Variants in SORCS3 observed in about 807,000 individuals in gnomAD.
The protein encoded by SORCS3 is VPS10 domain-containing receptor SorCS3.
In SORCS3, 57 loss-of-function variants were observed where a neutral mutation model predicts 146.3. The observed-to-expected ratio is 0.39, with a 90% CI of 0.31 to 0.49. SORCS3 has a LOEUF of 0.49. Among genes scored for constraint, SORCS3 ranks in the 20% least tolerant of loss-of-function variants. The pLI is 0.92. For missense variants in SORCS3, 1,341 were observed against 1,575.5 expected, an observed-to-expected ratio of 0.85 and a Z score of 2.52; for synonymous variants, 653 against 618.5, an observed-to-expected ratio of 1.06 and a Z score of -0.83.
chr10:105,098,551 G>GGGTTC (rs2055762108), intron 6 of SORCS3, among the ~76,000 whole-genome samples: 1 of 152,130 alleles, frequency 6.6e-6, no homozygotes, highest in Non-Finnish European at 1.5e-5. Flanking sequence ...AAAATCACCT[G>GGGTTC]GGTTCAAATT....
chr10:105,223,158 TA>T lies in SORCS3; in HGVS notation c.2779del (p.Arg927GlufsTer110). 6.2e-7 allele frequency: 1 copy of T among 1,612,480 alleles called. No individual in the cohort carries two copies. The highest frequency in any genetic ancestry group is 8.5e-7 in the Non-Finnish European group (1 of 1,178,792). ...CATCTCCGAGTTCCATTTGTTGCCA[TA>T]AGAAATAAGGAGGTCAACATCAGTG... Reference protein sequence around the residue: ...HVHLRVPFVAIRNKEVNISAV... With the variant: ...HVHLRVPFVAXRNKEVNISAV... On this transcript the variant is annotated frameshift_variant, in exon 20 of 27. Coordinates refer to ENST00000369701, the MANE Select transcript of SORCS3 (RefSeq NM_014978.3). LOFTEE classifies it high-confidence loss of function.
At chr10:105,081,680 G>T (rs567035082) in intron 5 of SORCS3, among the ~76,000 whole-genome samples, 1 of 152,282 alleles carries the variant, frequency 6.6e-6, no homozygotes, top group South Asian at 2.1e-4. Flanking sequence ...GTGAGTCTGT[G>T]GTTCTAGGAG....
At chr10:104,719,829 A>G (rs2016523500) in intron 1 of SORCS3, among the ~76,000 whole-genome samples, 1 of 152,128 alleles carries the variant, frequency 6.6e-6, no homozygotes, top group African/African-American at 2.4e-5. Flanking sequence ...GCTCTTGCCG[A>G]GATTGGAAGT....
At chr10:105,169,388 C>A (rs1336092894) in intron 13 of SORCS3, among the ~76,000 whole-genome samples, 1 of 151,108 alleles carries the variant, frequency 6.6e-6, no homozygotes, top group East Asian at 2.0e-4. Flanking sequence ...GTGTGTATTG[C>A]TGGAATACTG....
intron 1 of SORCS3, among the ~76,000 whole-genome samples, chr10:104,711,579 C>A (rs1297088355): frequency 2.0e-5 from 3 of 152,240 alleles, no homozygotes; most frequent in African/African-American, 7.2e-5. Flanking sequence ...CCAGCTCAGG[C>A]CACACTCACT....
intron 3 of SORCS3, among the ~76,000 whole-genome samples, chr10:104,961,215 G>A (rs747421031): frequency 9.9e-5 from 15 of 152,102 alleles, no homozygotes; most frequent in Non-Finnish European, 1.8e-4. Flanking sequence ...AGCAACAAAC[G>A]CCTTGGATGA....
chr10:105,060,577 G>A (rs911043137), intron 5 of SORCS3, among the ~76,000 whole-genome samples: 1 of 152,102 alleles, frequency 6.6e-6, no homozygotes, highest in African/African-American at 2.4e-5. Context: ...TCATTACTGG[G>A]GGCAGTGAGT....
chr10:104,738,161 G>C (rs1207424531), intron 1 of SORCS3, among the ~76,000 whole-genome samples: 1 of 152,202 alleles, frequency 6.6e-6, no homozygotes, highest in Non-Finnish European at 1.5e-5. Flanking sequence ...TTTGGTTACT[G>C]TAGCCTTGTA....
chr10:105,042,999 A>G (rs2055347425), intron 4 of SORCS3, 56 bp from the exon 5 acceptor site: 2 of 1,479,800 alleles, frequency 1.4e-6, no homozygotes, highest in Non-Finnish European at 1.9e-6. Flanking sequence ...AAACATCTGT[A>G]TTCATGCCCA....
chr10:104,915,740 C>A, intron 2 of SORCS3, 93 bp from the exon 3 acceptor site: 1 of 990,108 alleles, frequency 1.0e-6, no homozygotes, highest in Non-Finnish European at 1.6e-6. Flanking sequence ...AAGAAAGGTG[C>A]TGGTCGGTCG....
intron 16 of SORCS3, among the ~76,000 whole-genome samples, chr10:105,208,322 C>CA: frequency 7.0e-6 from 1 of 142,548 alleles, no homozygotes; most frequent in Non-Finnish European, 1.5e-5. Flanking sequence ...GCCTGGGTGA[C>CA]AGAGTGAGAC....
rs78585227 is a variant in SORCS3, at chr10:104,748,438, G to A, written c.628-94354G>A. Among the ~76,000 whole-genome samples, 333 of 152,206 alleles carry A rather than the reference G, an allele frequency of 2.2e-3. 1 individual carries two copies. Among genetic ancestry groups the A allele is most frequent in the African/African-American group, 7.6e-3 (316 of 41,520 alleles). ...TTTAAAATTAAAAGCAATGGGAACC[G>A]TCTGGAATCCACTTAAGGAAGAAAA... On this transcript the variant is annotated intron_variant, in intron 1 of 26. Transcript: ENST00000369701.
intron 1 of SORCS3, among the ~76,000 whole-genome samples, chr10:104,788,077 G>C (rs2017458349): frequency 2.0e-5 from 3 of 152,154 alleles, no homozygotes; most frequent in Admixed American, 6.5e-5. Flanking sequence ...TAGAGAGGGA[G>C]GCTTTTATTT....
intron 18 of SORCS3, 89 bp from the exon 19 acceptor site, chr10:105,216,847 G>A: frequency 7.8e-7 from 1 of 1,287,158 alleles, no homozygotes; most frequent in Non-Finnish European, 1.1e-6. Flanking sequence ...TGGGTCATCA[G>A]AGGTTGATGC....
chr10:105,113,557 T>C (rs1232313134), intron 7 of SORCS3, among the ~76,000 whole-genome samples: 1 of 152,198 alleles, frequency 6.6e-6, no homozygotes, highest in Non-Finnish European at 1.5e-5. Flanking sequence ...TTCTGTGTCT[T>C]ATGTGCAGTA....
chr10:104,981,900 A>T (rs1399639568), intron 4 of SORCS3, among the ~76,000 whole-genome samples: 1 of 152,112 alleles, frequency 6.6e-6, no homozygotes, highest in Non-Finnish European at 1.5e-5. Flanking sequence ...GGGTTTGGAG[A>T]TCAGAGATGA....
chr10:104,887,264 T>G (rs2018698783), intron 2 of SORCS3, among the ~76,000 whole-genome samples: 1 of 152,136 alleles, frequency 6.6e-6, no homozygotes, highest in Non-Finnish European at 1.5e-5. Context: ...TGCGAGTAGC[T>G]TAAGCTAAGG....
intron 7 of SORCS3, among the ~76,000 whole-genome samples, chr10:105,112,846 T>G (rs183971661): frequency 6.6e-6 from 1 of 152,330 alleles, no homozygotes; most frequent in Non-Finnish European, 1.5e-5. Flanking sequence ...TTGGTGGGTT[T>G]GGTTTTTCAT....
chr10:104,784,206 C>T (rs1441846982), intron 1 of SORCS3, among the ~76,000 whole-genome samples: 3 of 152,158 alleles, frequency 2.0e-5, no homozygotes, highest in East Asian at 1.9e-4. Flanking sequence ...GTTCTCACCT[C>T]GGGTGATTTT....
Sources: allele counts gnomAD v4.1 joint callset (sites outside exome capture counted in the v4.1 genomes callset), GRCh38; gene constraint gnomAD v4.1.1; transcripts MANE v1.5; gene names NCBI Gene and HGNC (gene_info 2026-07-23, HGNC 2026-07-21).